ROR2: variants seen among roughly 807,000 people sequenced by gnomAD.
ROR2 encodes tyrosine-protein kinase transmembrane receptor ROR2.
ROR2 carries 33 observed loss-of-function variants against 74.9 expected under a neutral mutation model. That is an observed-to-expected ratio of 0.44 (90% CI 0.33 to 0.59). The LOEUF (loss-of-function observed/expected upper bound fraction) is 0.59. ROR2 is among the 20% of genes least tolerant of loss of function. ROR2 has a pLI of 0.02. For missense variants in ROR2, 1,216 were observed against 1,313.8 expected (o/e 0.93, Z 1.15); for synonymous variants, 586 against 558.7 (o/e 1.05, Z -0.69).
intron 1 of ROR2, among the ~76,000 whole-genome samples, chr9:91,862,760 C>T (rs1264595203): frequency 6.6e-6 from 1 of 152,222 alleles, no homozygotes; most frequent in African/African-American, 2.4e-5. Context: ...CTTCCAGCAC[C>T]TTGATCTTGG....
At chr9:91,933,726 G>A (rs1050475604) in intron 1 of ROR2, among the ~76,000 whole-genome samples, 3 of 152,168 alleles carry the variant, frequency 2.0e-5, no homozygotes, top group African/African-American at 7.2e-5. Context: ...CTAAGTGAAA[G>A]AAGCCAGACA....
At chr9:91,900,951 C>A (rs1050374600) in intron 1 of ROR2, among the ~76,000 whole-genome samples, 3 of 152,170 alleles carry the variant, frequency 2.0e-5, no homozygotes, top group African/African-American at 4.8e-5. Flanking sequence ...GACTATAAAT[C>A]CCTTTTCTGG....
rs1825072224 is a variant in ROR2, at chr9:91,737,485, A to C, written c.528T>G (p.Pro176=). 2 of 1,614,096 alleles carry C rather than the reference A, an allele frequency of 1.2e-6. No individual in the cohort carries two copies. Among genetic ancestry groups the C allele is most frequent in the Admixed American group, 3.3e-5 (2 of 60,012 alleles). Residue 176 remains proline (P), a synonymous_variant, in exon 5 of 9, where the codon CCT becomes CCG. Transcript: ENST00000375708. ...AGCGTGCACAGGCAATTCCCCGGTA[A>C]GGCTGGCAGAACCCATCCTCGTGGT... The part of the protein sequence containing the change: ...DDYHEDGFCQ[P]YRGIACARFI...
At chr9:91,780,385 ATGAAAG>A (rs386736275) in intron 1 of ROR2, among the ~76,000 whole-genome samples, 20 of 150,102 alleles carry the variant, frequency 1.3e-4, no homozygotes, top group Admixed American at 5.3e-4. Context: ...TAAAAAAAAA[ATGAAAG>A]AAAGAAAGAA....
chr9:91,815,495 T>C (rs1445311506), intron 1 of ROR2, among the ~76,000 whole-genome samples: 1 of 152,192 alleles, frequency 6.6e-6, no homozygotes, highest in South Asian at 2.1e-4. Flanking sequence ...GTAGAATGAA[T>C]ACAACCAGAC....
Position 91,914,694 on chromosome 9 carries a change from C to A in ROR2, c.97+35173G>T, listed in dbSNP as rs369995543. ...CCCCCTTACATCTCATTGGTCAGAA[C>A]CAGGACCTGCAGTCACAGACAACCA... is the stretch of plus-strand genomic sequence containing the variant. On this transcript the variant is annotated intron_variant, in intron 1 of 8. Transcript: ENST00000375708. Among the ~76,000 whole-genome samples, 18 of 152,264 alleles carry A rather than the reference C, an allele frequency of 1.2e-4. 1 individual carries two copies. Among genetic ancestry groups the A allele is most frequent in the East Asian group, 7.7e-4 (4 of 5,178 alleles).
At chr9:91,748,987 C>T (rs1347102774) in intron 4 of ROR2, among the ~76,000 whole-genome samples, 1 of 152,202 alleles carries the variant, frequency 6.6e-6, no homozygotes, top group African/African-American at 2.4e-5. Context: ...TACCGTGCCA[C>T]TGCACTGCAG....
At chr9:91,890,029 C>G (rs1830386048) in intron 1 of ROR2, among the ~76,000 whole-genome samples, 2 of 152,196 alleles carry the variant, frequency 1.3e-5, no homozygotes, top group Admixed American at 6.5e-5. Context: ...ACTGACTGGA[C>G]CCCAGGGCAG....
At chr9:91,795,942 CCATCCT>C (rs1334517303) in intron 1 of ROR2, among the ~76,000 whole-genome samples, 1 of 152,034 alleles carries the variant, frequency 6.6e-6, no homozygotes, top group East Asian at 1.9e-4. Flanking sequence ...CCCGGTGATG[CCATCCT>C]CACAGTGTTA....
In ROR2 at chr9:91,911,954, A is replaced by AC. The variant is rs3083921; in HGVS notation, c.97+37912dup. On this transcript the variant is annotated intron_variant, in intron 1 of 8. Transcript: ENST00000375708. ...TAAGCAAAAAAAAAAAAAAAAAAAAACCACAAACCCAAATTAAAGGACATT... is the reference window on the plus strand; with the variant it reads ...TAAGCAAAAAAAAAAAAAAAAAAAAACCCACAAACCCAAATTAAAGGACATT... Among the ~76,000 whole-genome samples the AC allele has an allele frequency of 5.3e-5, 8 of 150,576 alleles. No homozygotes were observed. In the East Asian group the frequency reaches 1.4e-3, roughly 26 times the overall value.
intron 1 of ROR2, among the ~76,000 whole-genome samples, chr9:91,803,367 C>T (rs1827450912): frequency 6.6e-6 from 1 of 152,168 alleles, no homozygotes; most frequent in Non-Finnish European, 1.5e-5. Context: ...TCCACAGAAA[C>T]AGAAAACAGA....
At chr9:91,808,912 A>G (rs1827657682) in intron 1 of ROR2, among the ~76,000 whole-genome samples, 1 of 151,728 alleles carries the variant, frequency 6.6e-6, no homozygotes, top group Admixed American at 6.6e-5. Flanking sequence ...CTGAGGCAGG[A>G]GAATGGCATG....
intron 1 of ROR2, among the ~76,000 whole-genome samples, chr9:91,884,611 A>G (rs1230978621): frequency 6.6e-6 from 1 of 152,112 alleles, no homozygotes; most frequent in African/African-American, 2.4e-5. Context: ...GGTTTTATCT[A>G]AATCTTCTCC....
chr9:91,848,771 A>G (rs962720468), intron 1 of ROR2, among the ~76,000 whole-genome samples: 1 of 84,386 alleles, frequency 1.2e-5, no homozygotes, highest in Non-Finnish European at 2.5e-5. Flanking sequence ...GAAGAAAAAA[A>G]AAAAAAAAAA....
At chr9:91,837,318 C>T (rs1321424427) in intron 1 of ROR2, among the ~76,000 whole-genome samples, 6 of 152,162 alleles carry the variant, frequency 3.9e-5, no homozygotes, top group Non-Finnish European at 7.4e-5. Context: ...ATGATCGGCC[C>T]GCCTCAGCCT....
intron 1 of ROR2, among the ~76,000 whole-genome samples, chr9:91,838,554 T>G (rs1389122308): frequency 6.6e-6 from 1 of 152,144 alleles, no homozygotes; most frequent in African/African-American, 2.4e-5. Context: ...CATTCCGAGT[T>G]AAGATCTCAT....
chr9:91,843,012 A>G (rs1273445629), intron 1 of ROR2, among the ~76,000 whole-genome samples: 1 of 152,216 alleles, frequency 6.6e-6, no homozygotes, highest in African/African-American at 2.4e-5. Context: ...TCCTCTTTAC[A>G]TTTACAAACT....
At position 91,905,538 on chromosome 9, in the gene ROR2, TAC is replaced by T. The variant is rs201173729; in HGVS notation, c.97+44327_97+44328del. On this transcript the variant is annotated intron_variant, in intron 1 of 8. Coordinates refer to ENST00000375708, the MANE Select transcript of ROR2 (RefSeq NM_004560.4). The surrounding 1 kb of genome is among the most constrained non-coding windows in gnomAD (Gnocchi z 5.3). ...ATCACACACTACACACAACCCAACA[TAC>T]ACAGACACAATACAACACATACACA... is the stretch of plus-strand genomic sequence containing the variant. Among the ~76,000 whole-genome samples the T allele has an allele frequency of 0.023, 3,460 of 150,982 alleles. 144 individuals carry two copies. The highest frequency in any genetic ancestry group is 0.08 in the African/African-American group (3,275 of 41,110).
chr9:91,931,916 C>A lies in ROR2; in HGVS notation c.97+17951G>T, dbSNP rs568925925. Among the ~76,000 whole-genome samples the A allele has an allele frequency of 6.6e-5, 10 of 152,222 alleles. No individual in the cohort carries two copies. In the South Asian group the frequency reaches 2.1e-3, roughly 32 times the overall value. Reference sequence around the variant, plus strand: ...AGTTTATCTAGAAAAATAAGTGACACTAGCCAATAAAGTTCTGGGAACAAT... The same window carrying A: ...AGTTTATCTAGAAAAATAAGTGACAATAGCCAATAAAGTTCTGGGAACAAT... On this transcript the variant is annotated intron_variant, in intron 1 of 8. Transcript: ENST00000375708.
Sources: allele counts gnomAD v4.1 joint callset (sites outside exome capture counted in the v4.1 genomes callset), GRCh38; gene constraint gnomAD v4.1.1; non-coding constraint Gnocchi (gnomAD v3.1); transcripts MANE v1.5; gene names NCBI Gene and HGNC (gene_info 2026-07-23, HGNC 2026-07-21).